TTYH1: variants seen among roughly 807,000 people sequenced by gnomAD.
TTYH1 encodes protein tweety homolog 1.
In TTYH1, 33 loss-of-function variants were observed where a neutral mutation model predicts 61.2. That is an observed-to-expected ratio of 0.54 (90% CI 0.41 to 0.72). The LOEUF is 0.72. Among genes scored for constraint, TTYH1 ranks in the 30% least tolerant of loss-of-function variants. The pLI is 0.00. For synonymous variants in TTYH1, 308 were observed against 266.4 expected, an observed-to-expected ratio of 1.16 and a Z score of -1.52; for missense variants, 538 against 575.8, an observed-to-expected ratio of 0.93 and a Z score of 0.67.
In TTYH1 at chr19:54,416,176, G is replaced by C. The variant is rs563885386; in HGVS notation, c.126+498G>C. 2 of 840,898 alleles carry C rather than the reference G, an allele frequency of 2.4e-6. No homozygotes were observed. Among genetic ancestry groups the C allele is most frequent in the African/African-American group, 1.8e-5 (1 of 56,658 alleles). The allele number at this position is 840,898 out of a possible 1,614,324, so 52.1% of individuals were successfully genotyped here. ...GGGATGGGATTGAGAGTCTGAAATGGGGAAGGGGGCTTCAGGGGCTGAGGA... is the reference window on the plus strand; with the variant it reads ...GGGATGGGATTGAGAGTCTGAAATGCGGAAGGGGGCTTCAGGGGCTGAGGA... On this transcript the variant is annotated intron_variant, in intron 1 of 13. Coordinates refer to ENST00000376530, the MANE Select transcript of TTYH1 (RefSeq NM_020659.4). The surrounding 1 kb of genome is among the most constrained non-coding windows in gnomAD (Gnocchi z 7.0).
intron 3 of TTYH1, among the ~76,000 whole-genome samples, 173 bp from the exon 4 acceptor site, chr19:54,422,017 G>C (rs1391652780): frequency 6.6e-6 from 1 of 152,104 alleles, no homozygotes; most frequent in African/African-American, 2.4e-5. Context: ...CCATGAACTT[G>C]ATCTTGAAGC....
Position 54,429,742 on chromosome 19 carries a change from C to A in TTYH1, c.808-140C>A. ...AGGGACGAGGGGCCTGGGGCCTGGA[C>A]TCCTGAGTCTGAGGGAAGAGGGGCT... On this transcript the variant is annotated intron_variant, in intron 6 of 13. Coordinates refer to ENST00000376530, the MANE Select transcript of TTYH1 (RefSeq NM_020659.4). The surrounding 1 kb of genome is among the most constrained non-coding windows in gnomAD (Gnocchi z 5.1). 1.4e-6 allele frequency: 1 copy of A among 722,008 alleles called. No individual in the cohort carries two copies. Among genetic ancestry groups the A allele is most frequent in the Non-Finnish European group, 2.4e-6 (1 of 424,140 alleles). 44.7% of individuals were successfully genotyped at this position (722,008 alleles called of 1,614,324 possible).
rs573172415 is a variant in TTYH1 at position 54,429,224 on chromosome 19, G to A, written c.735-83G>A. 49 of 1,285,146 alleles carry A rather than the reference G, an allele frequency of 3.8e-5. 2 individuals are homozygous for A. In the African/African-American group the frequency reaches 4.2e-4, roughly 11 times the overall value. The allele number at this position is 1,285,146 out of a possible 1,614,324, so 79.6% of individuals were successfully genotyped here. ...CCAGAGGTGGGTGGAGGTGGGGGGC[G>A]GCTGTGATGGGATTTGGGGTGTGGA... is the stretch of plus-strand genomic sequence containing the variant. On this transcript the variant is annotated intron_variant, in intron 5 of 13. Transcript: ENST00000376530. This position sits in a 1 kb window ranked among gnomAD's most constrained non-coding sequence, Gnocchi z 5.1.
chr19:54,424,769 C>T (rs1310395406), intron 4 of TTYH1, among the ~76,000 whole-genome samples: 5 of 152,298 alleles, frequency 3.3e-5, no homozygotes, highest in South Asian at 4.1e-4. Flanking sequence ...GGAGCACTTG[C>T]GAGGCTGGGC....
chr19:54,429,448 C>T lies in TTYH1; in HGVS notation c.807+69C>T, dbSNP rs773255261. 69 of 1,425,720 alleles carry T rather than the reference C, an allele frequency of 4.8e-5. No individual in the cohort carries two copies. The highest frequency in any genetic ancestry group is 1.8e-4 in the Middle Eastern group (1 of 5,500). The allele number at this position is 1,425,720 out of a possible 1,614,324, so 88.3% of individuals were successfully genotyped here. A position where few individuals can be genotyped will look rare whatever the true frequency, so the allele number is the denominator to read the frequency against. The stretch of plus-strand genomic sequence containing the variant: ...CCTGGAGACTTCAACTTCTGGATCT[C>T]GGGATGGCATGGCTTAGTAGAGAAA... On this transcript the variant is annotated intron_variant, in intron 6 of 13. Coordinates refer to ENST00000376530, the MANE Select transcript of TTYH1 (RefSeq NM_020659.4). This position sits in a 1 kb window ranked among gnomAD's most constrained non-coding sequence, Gnocchi z 5.1.
Position 54,416,770 on chromosome 19 carries a change from G to A in TTYH1, c.126+1092G>A. The A allele has an allele frequency of 1.5e-6, 2 of 1,292,930 alleles. No homozygotes were observed. Among genetic ancestry groups the A allele is most frequent in the Non-Finnish European group, 2.0e-6 (2 of 988,578 alleles). The allele number at this position is 1,292,930 out of a possible 1,614,324, so 80.1% of individuals were successfully genotyped here. On this transcript the variant is annotated intron_variant, in intron 1 of 13. Coordinates refer to ENST00000376530, the MANE Select transcript of TTYH1 (RefSeq NM_020659.4). This position sits in a 1 kb window ranked among gnomAD's most constrained non-coding sequence, Gnocchi z 7.0. ...CCCCCTCTCCCCACACACGGGGACC[G>A]CCGTCCCCTCGCCCACAGCCTCGCG... is the stretch of plus-strand genomic sequence containing the variant.
intron 10 of TTYH1, chr19:54,432,732 A>G (rs1235259754): frequency 6.6e-6 from 1 of 152,204 alleles, no homozygotes; most frequent in Admixed American, 6.5e-5. Context: ...CCACTCTGCT[A>G]TAAGTACGCC....
In TTYH1 at chr19:54,436,627, A is replaced by C; in HGVS notation, c.*337A>C. 1.7e-6 allele frequency: 1 copy of C among 573,156 alleles called. No individual in the cohort carries two copies. Among genetic ancestry groups the C allele is most frequent in the South Asian group, 2.2e-5 (1 of 45,676 alleles). The allele number at this position is 573,156 out of a possible 1,614,324, so 35.5% of individuals were successfully genotyped here. On this transcript the variant is annotated 3_prime_UTR_variant, in exon 14 of 14. Transcript: ENST00000376530. This position sits in a 1 kb window ranked among gnomAD's most constrained non-coding sequence, Gnocchi z 4.3. Reference sequence around the variant, plus strand: ...TGAGTCCCCCTGCTGCCCCTGCCACATCCCAGTGGGCTCTGACCCCCTGAT... The same window carrying C: ...TGAGTCCCCCTGCTGCCCCTGCCACCTCCCAGTGGGCTCTGACCCCCTGAT...
chr19:54,422,035 CA>C (rs1166088323), intron 3 of TTYH1, among the ~76,000 whole-genome samples, 154 bp from the exon 4 acceptor site: 3 of 152,262 alleles, frequency 2.0e-5, no homozygotes, highest in African/African-American at 7.2e-5. Flanking sequence ...AGCCCCTCCC[CA>C]ATCCCTTCCC....
rs146996767 is a variant in TTYH1, at chr19:54,423,633, C to T, written c.638+1223C>T. 7.9e-5 allele frequency among the ~76,000 whole-genome samples: 12 copies of T among 152,272 alleles called. No individual in the cohort carries two copies. In the East Asian group the frequency reaches 1.2e-3, roughly 15 times the overall value. ...ATCTGTGAAATGGGAATCGGGGCAG[C>T]GTCCCCCTTGTTGAATTGGTTCGAG... is the stretch of plus-strand genomic sequence containing the variant. On this transcript the variant is annotated intron_variant, in intron 4 of 13. Transcript: ENST00000376530.
Position 54,416,019 on chromosome 19 carries a change from T to G in TTYH1, c.126+341T>G. ...TCCAGGGTCATCGGGAGGGTAGGTC[T>G]ACTCTTCCTGCCCTAAAAGATGACC... On this transcript the variant is annotated intron_variant, in intron 1 of 13. Coordinates refer to ENST00000376530, the MANE Select transcript of TTYH1 (RefSeq NM_020659.4). This position sits in a 1 kb window ranked among gnomAD's most constrained non-coding sequence, Gnocchi z 7.0. The G allele has an allele frequency of 7.5e-7, 1 of 1,328,448 alleles. No individual in the cohort carries two copies. The highest frequency in any genetic ancestry group is 1.0e-6 in the Non-Finnish European group (1 of 1,004,802). 82.3% of individuals were successfully genotyped at this position (1,328,448 alleles called of 1,614,324 possible).
At position 54,429,375 on chromosome 19, in the gene TTYH1, C is replaced by A. The variant is rs1228154695; in HGVS notation, c.803C>A (p.Ala268Asp). 1.9e-6 allele frequency: 3 copies of A among 1,613,656 alleles called. No homozygotes were observed. Among genetic ancestry groups the A allele is most frequent in the African/African-American group, 1.3e-5 (1 of 74,910 alleles). ...WGSMGLEAAT[A>D]VGLSDFCSNP... ...TCCATGGGCCTGGAGGCAGCCACGGCCGTGGTGAGTGCCAGGGCCGGGCCA... is the reference window on the plus strand; with the variant it reads ...TCCATGGGCCTGGAGGCAGCCACGGACGTGGTGAGTGCCAGGGCCGGGCCA... Residue 268 changes from alanine to aspartate, a missense_variant, in exon 6 of 14, where the codon GCC becomes GAC. Ala to Asp is a moderately radical substitution (Grantham distance 126). Coordinates refer to ENST00000376530, the MANE Select transcript of TTYH1 (RefSeq NM_020659.4). This position sits in a 1 kb window ranked among gnomAD's most constrained non-coding sequence, Gnocchi z 5.1.
chr19:54,435,201 G>A (rs1408176511), intron 10 of TTYH1: 3 of 271,826 alleles, frequency 1.1e-5, no homozygotes, highest in Non-Finnish European at 2.1e-5. Context: ...GCCCAGGGCT[G>A]GTGGGAGATG....
chr19:54,422,671 T>C (rs1323604587), intron 4 of TTYH1, among the ~76,000 whole-genome samples: 7 of 152,020 alleles, frequency 4.6e-5, no homozygotes, highest in African/African-American at 1.7e-4. Context: ...CTCAGGCCTG[T>C]AATCCCAGCA....
chr19:54,419,082 GA>G lies in TTYH1; in HGVS notation c.127-44del, dbSNP rs1348719696. The G allele has an allele frequency of 6.4e-7, 1 of 1,566,632 alleles. No individual in the cohort carries two copies. The highest frequency in any genetic ancestry group is 1.4e-5 in the African/African-American group (1 of 73,798). On this transcript the variant is annotated intron_variant, in intron 1 of 13. Transcript: ENST00000376530. The surrounding 1 kb of genome is among the most constrained non-coding windows in gnomAD (Gnocchi z 6.1). ...ACGCAGGAAGGGGGATCTGAGTGTG[GA>G]ACACACGGGTGCCCTCGGAGGTCTG... is the stretch of plus-strand genomic sequence containing the variant.
At position 54,416,415 on chromosome 19, in the gene TTYH1, C is replaced by T. The variant is rs1217465715; in HGVS notation, c.126+737C>T. On this transcript the variant is annotated intron_variant, in intron 1 of 13. Coordinates refer to ENST00000376530, the MANE Select transcript of TTYH1 (RefSeq NM_020659.4). This position sits in a 1 kb window ranked among gnomAD's most constrained non-coding sequence, Gnocchi z 7.0. ...GAAGGGGCCCGGCTCGGGGCAGCTC[C>T]AATGGGCGAAAGAGCTGTCCCCTGA... The T allele has an allele frequency of 1.5e-5, 4 of 271,014 alleles. No homozygotes were observed. The highest frequency in any genetic ancestry group is 9.5e-5 in the Admixed American group (2 of 21,148). The allele number at this position is 271,014 out of a possible 1,614,324, so 16.8% of individuals were successfully genotyped here.
At chr19:54,422,758 G>A (rs2083244208) in intron 4 of TTYH1, among the ~76,000 whole-genome samples, 3 of 151,748 alleles carry the variant, frequency 2.0e-5, no homozygotes, top group East Asian at 2.0e-4. Context: ...GAGAAACCCC[G>A]TCTCTACCAA....
rs887827365 is a variant in TTYH1, at chr19:54,436,244, G to C, written c.*42+73G>C. 3.4e-5 allele frequency: 54 copies of C among 1,608,880 alleles called. No homozygotes were observed. The highest frequency in any genetic ancestry group is 3.7e-5 in the Non-Finnish European group (44 of 1,176,014). On this transcript the variant is annotated intron_variant, in intron 13 of 13. Coordinates refer to ENST00000376530, the MANE Select transcript of TTYH1 (RefSeq NM_020659.4). The surrounding 1 kb of genome is among the most constrained non-coding windows in gnomAD (Gnocchi z 4.3). The stretch of plus-strand genomic sequence containing the variant: ...CCCTCCCGCCCTCCGAGCTGCTCCA[G>C]GCATGGGCTGCGTGCCTCCTGCTGG...
At position 54,419,090 on chromosome 19, in the gene TTYH1, G is replaced by A. The variant is rs760734806; in HGVS notation, c.127-38G>A. The A allele has an allele frequency of 4.4e-5, 70 of 1,578,780 alleles. No individual in the cohort carries two copies. The highest frequency in any genetic ancestry group is 1.6e-4 in the Admixed American group (9 of 56,066). On this transcript the variant is annotated intron_variant, in intron 1 of 13. Coordinates refer to ENST00000376530, the MANE Select transcript of TTYH1 (RefSeq NM_020659.4). This position sits in a 1 kb window ranked among gnomAD's most constrained non-coding sequence, Gnocchi z 6.1. ...AGGGGGATCTGAGTGTGGAACACAC[G>A]GGTGCCCTCGGAGGTCTGATGTCAC... is the stretch of plus-strand genomic sequence containing the variant.
Sources: allele counts gnomAD v4.1 joint callset (sites outside exome capture counted in the v4.1 genomes callset), GRCh38; gene constraint gnomAD v4.1.1; non-coding constraint Gnocchi (gnomAD v3.1); transcripts MANE v1.5; gene names NCBI Gene and HGNC (gene_info 2026-07-23, HGNC 2026-07-21).